Variants in EPHA7 observed in about 807,000 individuals in gnomAD.
EPHA7 encodes the protein ephrin type-A receptor 7.
Under a neutral mutation model 112.6 loss-of-function variants are expected in EPHA7, and 25 were observed. The ratio of observed to expected loss-of-function variants is 0.22; its 90% CI spans 0.16 to 0.31. The LOEUF (loss-of-function observed/expected upper bound fraction) is 0.31, where lower values mean the gene tolerates loss of function less well. EPHA7 is among the 10% of genes least tolerant of loss of function. The pLI, the probability that EPHA7 is intolerant of heterozygous loss-of-function variation, is 1.00. For missense variants in EPHA7, 962 were observed against 1,212.6 expected, an observed-to-expected ratio of 0.79 and a Z score of 3.07; for synonymous variants, 437 against 406.5, an observed-to-expected ratio of 1.07 and a Z score of -0.90.
intron 5 of EPHA7, among the ~76,000 whole-genome samples, chr6:93,297,715 A>G (rs1772745692): frequency 6.6e-6 from 1 of 152,124 alleles, no homozygotes; most frequent in Non-Finnish European, 1.5e-5. Context: ...AGTGACCTAC[A>G]GGGCAGCTAT....
rs2278106 is a variant in EPHA7 at position 93,410,501 on chromosome 6, G to A, written c.832C>T (p.Pro278Ser). 0.039 allele frequency: 62,417 copies of A among 1,609,794 alleles called. 1,788 individuals carry two copies. The highest frequency in any genetic ancestry group is 0.15 in the East Asian group (6,899 of 44,764). ...GYQQKGDTCE[P>S]CGRGFYKSSS... Reference sequence around the variant, plus strand: ...AGTTTTAATAGGACACATTACTTACGTTCACAAGTGTCTCCTTTTTGCTGG... The same window carrying A: ...AGTTTTAATAGGACACATTACTTACATTCACAAGTGTCTCCTTTTTGCTGG... Residue 278 changes from proline to serine, a missense_variant and splice_region_variant, in exon 3 of 17, where the codon CCC (proline) becomes TCC (serine). Physicochemically the swap from Pro to Ser is moderately conservative, Grantham distance 74. Coordinates refer to ENST00000369303, the MANE Select transcript of EPHA7 (RefSeq NM_004440.4). This position sits in a 1 kb window ranked among gnomAD's most constrained non-coding sequence, Gnocchi z 4.0.
intron 1 of EPHA7, among the ~76,000 whole-genome samples, chr6:93,416,139 A>G (rs2127998253): frequency 6.6e-6 from 1 of 152,306 alleles, no homozygotes; most frequent in African/African-American, 2.4e-5. Context: ...TCAAATGAGA[A>G]ACACACCCAC....
At chr6:93,355,879 G>T (rs577874262) in intron 5 of EPHA7, among the ~76,000 whole-genome samples, 19 of 152,068 alleles carry the variant, frequency 1.2e-4, no homozygotes, top group Admixed American at 9.2e-4. Flanking sequence ...CCATTTATTC[G>T]AATATAAAAA....
chr6:93,268,640 GACATC>G (rs1246196397), intron 7 of EPHA7, among the ~76,000 whole-genome samples: 1 of 151,682 alleles, frequency 6.6e-6, no homozygotes. Context: ...CATGTACTGA[GACATC>G]AGCTCTGTGG....
chr6:93,348,959 A>C (rs1479293906), intron 5 of EPHA7, among the ~76,000 whole-genome samples: 2 of 151,804 alleles, frequency 1.3e-5, no homozygotes, highest in Non-Finnish European at 2.9e-5. Flanking sequence ...CAAATATATG[A>C]TACACTTAGT....
At chr6:93,377,339 T>C (rs1466452063) in intron 3 of EPHA7, among the ~76,000 whole-genome samples, 1 of 152,166 alleles carries the variant, frequency 6.6e-6, no homozygotes, top group African/African-American at 2.4e-5. Flanking sequence ...AGGTATGTCC[T>C]TGTAATAGAG....
chr6:93,417,298 T>A (rs1479539110), intron 1 of EPHA7, among the ~76,000 whole-genome samples: 1 of 152,138 alleles, frequency 6.6e-6, no homozygotes, highest in Non-Finnish European at 1.5e-5. Flanking sequence ...CCTTGGGTAC[T>A]GCGGGCCGCC....
At chr6:93,344,269 A>T (rs17687629) in intron 5 of EPHA7, among the ~76,000 whole-genome samples, 45,624 of 151,302 alleles carry the variant, frequency 0.3, 7,468 homozygotes, top group Non-Finnish European at 0.38. Flanking sequence ...TACAATTAAC[A>T]TCTTTCTTTT....
intron 5 of EPHA7, among the ~76,000 whole-genome samples, chr6:93,330,178 CAT>C (rs1171099567): frequency 6.6e-6 from 1 of 151,184 alleles, no homozygotes; most frequent in African/African-American, 2.4e-5. Flanking sequence ...AATAATTTTA[CAT>C]GTTTATGAGG....
chr6:93,390,635 T>C (rs1261107743), intron 3 of EPHA7, among the ~76,000 whole-genome samples: 1 of 151,040 alleles, frequency 6.6e-6, no homozygotes, highest in Admixed American at 6.6e-5. Flanking sequence ...TGTAGAAAAA[T>C]TGTAACAATT....
At chr6:93,272,955 T>C (rs1162568012) in intron 5 of EPHA7, among the ~76,000 whole-genome samples, 1 of 151,894 alleles carries the variant, frequency 6.6e-6, no homozygotes, top group African/African-American at 2.4e-5. Flanking sequence ...TTGGAAAACA[T>C]TTTTAGACTT....
At chr6:93,314,292 T>A (rs1773684693) in intron 5 of EPHA7, among the ~76,000 whole-genome samples, 1 of 152,212 alleles carries the variant, frequency 6.6e-6, no homozygotes, top group African/African-American at 2.4e-5. Flanking sequence ...CAGCTCTTAT[T>A]ATATTGTCTA....
At chr6:93,285,715 C>T (rs1306075863) in intron 5 of EPHA7, among the ~76,000 whole-genome samples, 1 of 152,178 alleles carries the variant, frequency 6.6e-6, no homozygotes, top group Admixed American at 6.5e-5. Context: ...TTGTTGTCTG[C>T]CTGTCTCCTT....
intron 7 of EPHA7, among the ~76,000 whole-genome samples, chr6:93,265,113 T>G (rs1377707132): frequency 6.6e-6 from 1 of 151,642 alleles, no homozygotes; most frequent in Non-Finnish European, 1.5e-5. Context: ...ACATACCTCA[T>G]GTATTTTTGA....
chr6:93,285,335 A>G (rs779117897), intron 5 of EPHA7, among the ~76,000 whole-genome samples: 2 of 152,202 alleles, frequency 1.3e-5, no homozygotes, highest in Non-Finnish European at 2.9e-5. Flanking sequence ...TCTGGCTTAT[A>G]ATGAATAGTT....
chr6:93,254,553 A>G, intron 14 of EPHA7, 94 bp downstream of exon 14: 1 of 940,206 alleles, frequency 1.1e-6, no homozygotes, highest in East Asian at 2.7e-5. Flanking sequence ...ATAATTATTT[A>G]AAAGTGTTCT....
chr6:93,363,007 A>C (rs577818691), intron 3 of EPHA7, among the ~76,000 whole-genome samples: 3 of 152,018 alleles, frequency 2.0e-5, no homozygotes, highest in Non-Finnish European at 4.4e-5. Context: ...ATTTTTTGGA[A>C]CTCTTAAGCA....
chr6:93,362,844 T>C (rs1196318026), intron 3 of EPHA7, among the ~76,000 whole-genome samples: 2 of 152,178 alleles, frequency 1.3e-5, no homozygotes, highest in African/African-American at 4.8e-5. Flanking sequence ...TCCAGTTTTT[T>C]AGGTTTATGA....
chr6:93,313,469 A>C (rs1376325082), intron 5 of EPHA7, among the ~76,000 whole-genome samples: 1 of 151,518 alleles, frequency 6.6e-6, no homozygotes, highest in Admixed American at 6.6e-5. Context: ...TCTTCAGGAA[A>C]CACTTAACTG....
Sources: allele counts gnomAD v4.1 joint callset (sites outside exome capture counted in the v4.1 genomes callset), GRCh38; gene constraint gnomAD v4.1.1; non-coding constraint Gnocchi (gnomAD v3.1); transcripts MANE v1.5; gene names NCBI Gene and HGNC (gene_info 2026-07-23, HGNC 2026-07-21).